Variants in ATP2B3 observed in about 807,000 individuals in gnomAD.
ATP2B3 encodes the protein plasma membrane calcium-transporting ATPase 3.
ATP2B3 carries 12 observed loss-of-function variants against 70.8 expected under a neutral mutation model. The observed-to-expected ratio is 0.17, with a 90% CI of 0.11 to 0.27. The LOEUF is 0.27. Ranked by LOEUF, ATP2B3 falls within the 10% of genes least tolerant of loss-of-function variation. The pLI is 1.00. For missense variants in ATP2B3, 858 were observed against 1,118.5 expected, an observed-to-expected ratio of 0.77 and a Z score of 3.32; for synonymous variants, 460 against 497.8, an observed-to-expected ratio of 0.92 and a Z score of 1.01.
chrX:153,537,974 G>A (rs1487735355), intron 3 of ATP2B3, among the ~76,000 whole-genome samples: 2 of 112,718 alleles, frequency 1.8e-5, no homozygotes, highest in African/African-American at 6.4e-5. Context: ...GGCCTCTGAC[G>A]GGCTTCCAAG....
At chrX:153,544,564 G>A (rs137974586) in intron 7 of ATP2B3, among the ~76,000 whole-genome samples, 4,295 of 111,485 alleles carry the variant, frequency 0.039, 79 homozygotes, top group South Asian at 0.07. Context: ...CCTGGAGGGA[G>A]AGCAGCAGCT....
chrX:153,564,539 C>G (rs1303942889), intron 20 of ATP2B3, among the ~76,000 whole-genome samples: 4 of 113,168 alleles, frequency 3.5e-5, no homozygotes, highest in Non-Finnish European at 7.5e-5. Context: ...TCGGGCCACT[C>G]CCTGGGCCCT....
intron 16 of ATP2B3, 130 bp from the exon 17 acceptor site, chrX:153,557,982 G>A: frequency 1.7e-6 from 1 of 575,364 alleles, no homozygotes; most frequent in Non-Finnish European, 2.6e-6. Context: ...TCTTGGCTTT[G>A]GGGGGCGGGG....
At chrX:153,552,625 A>G (rs1301288906) in intron 12 of ATP2B3, among the ~76,000 whole-genome samples, 1 of 112,612 alleles carries the variant, frequency 8.9e-6, no homozygotes, top group African/African-American at 3.2e-5. Context: ...GCCATGAGCC[A>G]CATGCTCCTG....
At chrX:153,528,240 C>A (rs934599294) in intron 2 of ATP2B3, among the ~76,000 whole-genome samples, 2 of 112,493 alleles carry the variant, frequency 1.8e-5, no homozygotes, top group Non-Finnish European at 3.8e-5. Context: ...TGGAGCTAGA[C>A]CACTTGAGGT....
At position 153,581,395 on chromosome X, in the gene ATP2B3, T is replaced by G. The variant is rs2124561492; in HGVS notation, c.*1097T>G. On this transcript the variant is annotated 3_prime_UTR_variant, in exon 22 of 22. Coordinates refer to ENST00000263519, the MANE Select transcript of ATP2B3 (RefSeq NM_001001344.3). Reference sequence around the variant, plus strand: ...GGGGAGTTTCGTTTTCAGCTTTCTTTGGTTCCTACTCCAATTCCACATCCT... The same window carrying G: ...GGGGAGTTTCGTTTTCAGCTTTCTTGGGTTCCTACTCCAATTCCACATCCT... The G allele has an allele frequency of 8.9e-6, 1 of 112,680 alleles. No individual in the cohort carries two copies. The highest frequency in any genetic ancestry group is 2.8e-4 in the East Asian group (1 of 3,573). 9.3% of individuals were successfully genotyped at this position (112,680 alleles called of 1,213,427 possible). A position where few individuals can be genotyped will look rare whatever the true frequency, so the allele number is the denominator to read the frequency against.
At chrX:153,563,136 CTTTTTTT>C (rs36131654) in intron 20 of ATP2B3, among the ~76,000 whole-genome samples, 1 of 48,809 alleles carries the variant, frequency 2.0e-5, no homozygotes, top group African/African-American at 8.5e-5. Context: ...CTGGCTTTTC[CTTTTTTT>C]TTTTTTTTTT....
rs904557474 is a variant in ATP2B3 at position 153,558,311 on chromosome X, C to G, written c.2625+8C>G. 8.4e-7 allele frequency: 1 copy of G among 1,195,660 alleles called. No homozygotes were observed. The highest frequency in any genetic ancestry group is 1.8e-5 in the African/African-American group (1 of 57,060). On this transcript the variant is annotated splice_region_variant and intron_variant, in intron 17 of 21. Transcript: ENST00000263519. ...GGTGCCTGCATTACTCAGGTGGGTA[C>G]TGGGGGCTGCCATGCCCCAGCTAGG...
intron 10 of ATP2B3, 93 bp downstream of exon 10, chrX:153,548,947 C>A: frequency 2.2e-6 from 2 of 898,573 alleles, no homozygotes; most frequent in East Asian, 3.3e-5. Context: ...AAACTGGGGA[C>A]GTTTGGGATA....
intron 20 of ATP2B3, 76 bp from the exon 21 acceptor site, chrX:153,564,845 C>T (rs1407397748): frequency 9.8e-7 from 1 of 1,016,930 alleles, no homozygotes; most frequent in African/African-American, 1.9e-5. Flanking sequence ...CGGCGTCTCC[C>T]TCTGGAGAGG....
rs17327932 is a variant in ATP2B3, at chrX:153,568,278, G to A, written c.3342+3175G>A. ...CCATTATAATGCAAAGAGAAGCTTC[G>A]TCAGCAACTGGGCCTTGCTCCCGGC... On this transcript the variant is annotated intron_variant, in intron 21 of 21. Transcript: ENST00000263519. Among the ~76,000 whole-genome samples the A allele has an allele frequency of 7.6e-3, 847 of 111,595 alleles. 1 individual carries two copies. Among genetic ancestry groups the A allele is most frequent in the Non-Finnish European group, 0.011 (565 of 53,070 alleles).
chrX:153,530,575 G>A (rs782081197), intron 2 of ATP2B3, among the ~76,000 whole-genome samples: 6 of 112,609 alleles, frequency 5.3e-5, no homozygotes, highest in African/African-American at 1.6e-4. Context: ...GGCACCCGGC[G>A]CCGGACAGGC....
chrX:153,542,287 G>T, intron 5 of ATP2B3, 36 bp from the exon 6 acceptor site: 7 of 1,208,204 alleles, frequency 5.8e-6, no homozygotes, highest in Non-Finnish European at 6.7e-6. Context: ...GGGAGGAGGC[G>T]GTGGGGAGAA....
intron 21 of ATP2B3, among the ~76,000 whole-genome samples, chrX:153,573,134 T>C (rs1312359107): frequency 8.9e-6 from 1 of 112,584 alleles, no homozygotes; most frequent in Non-Finnish European, 1.9e-5. Context: ...TCTGGTCCCA[T>C]GTGGCCACCG....
chrX:153,545,092 CGG>C lies in ATP2B3; in HGVS notation c.917-987_917-986del, dbSNP rs35125755. On this transcript the variant is annotated intron_variant, in intron 7 of 21. Transcript: ENST00000263519. The stretch of plus-strand genomic sequence containing the variant: ...TGCCCCACCCCTGGCTGAGTAGGGT[CGG>C]GGGGGGGGCCCTCCCTGCTCCCTGG... Among the ~76,000 whole-genome samples the C allele has an allele frequency of 4.0e-3, 434 of 108,631 alleles. 5 individuals are homozygous for C. Among genetic ancestry groups the C allele is most frequent in the African/African-American group, 0.013 (384 of 29,657 alleles). 94.3% of individuals were successfully genotyped at this position (108,631 alleles called of 115,157 possible).
intron 21 of ATP2B3, among the ~76,000 whole-genome samples, chrX:153,571,003 T>TACACACACAC (rs879951205): frequency 0.032 from 2,769 of 87,563 alleles, 69 homozygotes; most frequent in Non-Finnish European, 0.046. Context: ...CGTGCGCGCG[T>TACACACACAC]ACACACACAC....
chrX:153,551,573 C>T (rs72616437), intron 12 of ATP2B3, among the ~76,000 whole-genome samples: 1,355 of 111,710 alleles, frequency 0.012, 15 homozygotes, highest in East Asian at 0.069. Context: ...ATCGTGATGA[C>T]GTCCAGTTGA....
In ATP2B3 at chrX:153,569,687, G is replaced by A. The variant is rs2090760306; in HGVS notation, c.3342+4584G>A. 3 of 1,211,471 alleles carry A rather than the reference G, an allele frequency of 2.5e-6. No homozygotes were observed. The East Asian group carries it at 8.9e-5, about 36-fold the overall frequency. On this transcript the variant is annotated intron_variant, in intron 21 of 21. Coordinates refer to ENST00000263519, the MANE Select transcript of ATP2B3 (RefSeq NM_001001344.3). ...GTCTTCGGTCCTCAGCCAGCTTCAT[G>A]ACGTAACCAATCTTTCTACCCCTAC...
intron 21 of ATP2B3, among the ~76,000 whole-genome samples, chrX:153,576,906 G>A (rs190208505): frequency 8.9e-6 from 1 of 112,134 alleles, no homozygotes; most frequent in Admixed American, 9.4e-5. Context: ...GTGTTGGGTG[G>A]GCTGAAAACA....
Sources: allele counts gnomAD v4.1 joint callset (sites outside exome capture counted in the v4.1 genomes callset), GRCh38; gene constraint gnomAD v4.1.1; transcripts MANE v1.5; gene names NCBI Gene and HGNC (gene_info 2026-07-23, HGNC 2026-07-21).